Variants in PIGK observed in about 807,000 individuals in gnomAD.
PIGK encodes phosphatidylinositol glycan anchor biosynthesis class K.
In PIGK, 42 loss-of-function variants were observed where a neutral mutation model predicts 50.6. That is an observed-to-expected ratio of 0.83 (90% CI 0.65 to 1.07). PIGK has a LOEUF of 1.07. Ranked by LOEUF, PIGK falls within the 50% of genes least tolerant of loss-of-function variation. The pLI, the probability that PIGK is intolerant of heterozygous loss-of-function variation, is 0.00. For missense variants in PIGK, 448 were observed against 488.7 expected (o/e 0.92, Z 0.78); for synonymous variants, 151 against 156.0 (o/e 0.97, Z 0.24).
rs550461820 is a variant in PIGK, at chr1:77,216,634, G to T, written c.93+2676C>A. Among the ~76,000 whole-genome samples, 51 of 151,700 alleles carry T rather than the reference G, an allele frequency of 3.4e-4. No individual in the cohort carries two copies. In the South Asian group the frequency reaches 0.01, roughly 30 times the overall value. On this transcript the variant is annotated intron_variant, in intron 1 of 10. Coordinates refer to ENST00000370812, the MANE Select transcript of PIGK (RefSeq NM_005482.3). The stretch of plus-strand genomic sequence containing the variant: ...AGTGTGTGTGTGGCATGTGTGTGTG[G>T]GGGGGTGTGTGTGTGTGTATTTTTC...
chr1:77,113,694 G>A (rs1045536869), intron 10 of PIGK, among the ~76,000 whole-genome samples: 6 of 152,068 alleles, frequency 3.9e-5, no homozygotes, highest in Non-Finnish European at 5.9e-5. Flanking sequence ...GTTATGAATG[G>A]TGGCTAGATT....
At chr1:77,191,688 T>C (rs1655907947) in intron 3 of PIGK, among the ~76,000 whole-genome samples, 1 of 152,240 alleles carries the variant, frequency 6.6e-6, no homozygotes, top group African/African-American at 2.4e-5. Context: ...AACTCAGATG[T>C]CTATTTTTCT....
At chr1:77,152,260 CTG>C (rs1235408125) in intron 9 of PIGK, among the ~76,000 whole-genome samples, 1 of 152,050 alleles carries the variant, frequency 6.6e-6, no homozygotes, top group Non-Finnish European at 1.5e-5. Flanking sequence ...AAAGGACACT[CTG>C]TTTAATAATC....
intron 6 of PIGK, 106 bp from the exon 7 acceptor site, chr1:77,161,817 C>T: frequency 3.0e-6 from 2 of 676,020 alleles, no homozygotes. Context: ...TTAGTCATTT[C>T]ATTAGCTAAA....
At chr1:77,149,203 A>G (rs796439600) in intron 9 of PIGK, among the ~76,000 whole-genome samples, 71 of 152,306 alleles carry the variant, frequency 4.7e-4, no homozygotes, top group African/African-American at 1.6e-3. Flanking sequence ...AAATAACTAG[A>G]AAACAAATAA....
intron 9 of PIGK, among the ~76,000 whole-genome samples, chr1:77,142,157 G>A (rs190594848): frequency 2.1e-4 from 32 of 152,242 alleles, no homozygotes; most frequent in Admixed American, 1.8e-3. Flanking sequence ...TTTTAAGTCA[G>A]CTACACTGGT....
At chr1:77,141,345 A>T (rs1654646871) in intron 9 of PIGK, among the ~76,000 whole-genome samples, 1 of 152,132 alleles carries the variant, frequency 6.6e-6, no homozygotes, top group Non-Finnish European at 1.5e-5. Flanking sequence ...GGGAAATCAT[A>T]CTAGAACATA....
chr1:77,106,727 T>C (rs1653687779), intron 10 of PIGK, among the ~76,000 whole-genome samples: 1 of 152,076 alleles, frequency 6.6e-6, no homozygotes, highest in Non-Finnish European at 1.5e-5. Flanking sequence ...AATAATTACT[T>C]GATAATTTAG....
At position 77,092,303 on chromosome 1, in the gene PIGK, A is replaced by T. The variant is rs559776148; in HGVS notation, c.*71T>A. ...ATTCATACAAGAGAAACACATTTTT[A>T]AAAATATATAATGACATAAATTATT... On this transcript the variant is annotated 3_prime_UTR_variant, in exon 11 of 11. Coordinates refer to ENST00000370812, the MANE Select transcript of PIGK (RefSeq NM_005482.3). 4.0e-5 allele frequency: 27 copies of T among 672,924 alleles called. 1 individual carries two copies. In the East Asian group the frequency reaches 5.2e-4, roughly 13 times the overall value. 41.7% of individuals were successfully genotyped at this position (672,924 alleles called of 1,614,324 possible). A position where few individuals can be genotyped will look rare whatever the true frequency, so the allele number is the denominator to read the frequency against.
chr1:77,161,878 T>C (rs887551054), intron 6 of PIGK, among the ~76,000 whole-genome samples, 167 bp from the exon 7 acceptor site: 1 of 152,148 alleles, frequency 6.6e-6, no homozygotes, highest in Non-Finnish European at 1.5e-5. Context: ...AAGTTAAAGG[T>C]ATAAATTTGT....
intron 1 of PIGK, among the ~76,000 whole-genome samples, chr1:77,213,657 C>G (rs1656477075): frequency 6.6e-6 from 1 of 151,746 alleles, no homozygotes; most frequent in African/African-American, 2.4e-5. Flanking sequence ...TAGAGAAGAA[C>G]AGACCAAACA....
intron 9 of PIGK, among the ~76,000 whole-genome samples, chr1:77,130,548 A>AT (rs1477508762): frequency 6.6e-6 from 1 of 152,072 alleles, no homozygotes; most frequent in Non-Finnish European, 1.5e-5. Context: ...GGGCTTTATA[A>AT]TATGTTGTAT....
At chr1:77,154,757 T>G (rs1423371351) in intron 8 of PIGK, 136 bp from the exon 9 acceptor site, 1 of 615,110 alleles carries the variant, frequency 1.6e-6, no homozygotes, top group African/African-American at 1.9e-5. Flanking sequence ...TCTAAAGACC[T>G]TAAAGATTAA....
intron 9 of PIGK, among the ~76,000 whole-genome samples, chr1:77,123,145 CT>C (rs1171038257): frequency 6.6e-6 from 1 of 151,982 alleles, no homozygotes; most frequent in Non-Finnish European, 1.5e-5. Flanking sequence ...AATTTAAAAA[CT>C]TTTCAAATGA....
At chr1:77,104,612 T>C (rs1243413454) in intron 10 of PIGK, among the ~76,000 whole-genome samples, 2 of 152,306 alleles carry the variant, frequency 1.3e-5, no homozygotes, top group African/African-American at 2.4e-5. Flanking sequence ...ATTTGCCTAA[T>C]TGGAGTCCCA....
Position 77,169,335 on chromosome 1 carries a change from A to G in PIGK, c.300T>C (p.Ala100=), listed in dbSNP as rs187961781. 1.9e-6 allele frequency: 3 copies of G among 1,606,064 alleles called. No individual in the cohort carries two copies. The highest frequency in any genetic ancestry group is 2.6e-6 in the Non-Finnish European group (3 of 1,174,656). Residue 100 remains alanine (A), a synonymous_variant, in exon 4 of 11, where the codon GCT becomes GCC. Transcript: ENST00000370812. ...CCATATTCTTGTGACTAAACACTGT[A>G]GCTGGTTTGGGATTTCTAGGATTAC... The part of the protein sequence containing the change: ...MACNPRNPKP[A]TVFSHKNMEL...
intron 10 of PIGK, among the ~76,000 whole-genome samples, chr1:77,120,433 T>C (rs900034211): frequency 6.6e-6 from 1 of 152,146 alleles, no homozygotes; most frequent in African/African-American, 2.4e-5. Flanking sequence ...TTGCCCGGGC[T>C]GGTCCTGAAC....
At chr1:77,214,023 C>A (rs943148606) in intron 1 of PIGK, among the ~76,000 whole-genome samples, 1 of 152,056 alleles carries the variant, frequency 6.6e-6, no homozygotes, top group Non-Finnish European at 1.5e-5. Context: ...CTGAGTAATG[C>A]GCTTGAAGCA....
chr1:77,217,282 C>G (rs1469411237), intron 1 of PIGK, among the ~76,000 whole-genome samples: 2 of 152,070 alleles, frequency 1.3e-5, no homozygotes, highest in Non-Finnish European at 2.9e-5. Flanking sequence ...GGGACCTGAC[C>G]TGGTCAGGAA....
Sources: allele counts gnomAD v4.1 joint callset (sites outside exome capture counted in the v4.1 genomes callset), GRCh38; gene constraint gnomAD v4.1.1; transcripts MANE v1.5; gene names NCBI Gene and HGNC (gene_info 2026-07-23, HGNC 2026-07-21).